SPAG16: variants seen among roughly 807,000 people sequenced by gnomAD.
SPAG16 encodes sperm associated antigen 16, also known as sperm-associated antigen 16 protein.
SPAG16 carries 86 observed loss-of-function variants against 80.4 expected under a neutral mutation model. That is an observed-to-expected ratio of 1.07 (90% CI 0.90 to 1.28). The LOEUF is 1.28. Among genes scored for constraint, SPAG16 ranks in the 50% most tolerant of loss-of-function variants. The pLI, the probability that SPAG16 is intolerant of heterozygous loss-of-function variation, is 0.00. For missense variants in SPAG16, 870 were observed against 765.3 expected (o/e 1.14, Z -1.61); for synonymous variants, 294 against 265.9 (o/e 1.11, Z -1.03).
At chr2:214,082,877 C>T (rs1486761761) in intron 13 of SPAG16, among the ~76,000 whole-genome samples, 1 of 152,136 alleles carries the variant, frequency 6.6e-6, no homozygotes, top group African/African-American at 2.4e-5. Context: ...TTTCTCCCAC[C>T]CCATCACTCA....
intron 9 of SPAG16, among the ~76,000 whole-genome samples, chr2:213,417,598 C>A (rs1316972861): frequency 6.6e-6 from 1 of 152,144 alleles, no homozygotes; most frequent in Non-Finnish European, 1.5e-5. Flanking sequence ...TTAACAGTTT[C>A]TCTTTGTAAC....
At chr2:214,217,463 T>C (rs2058461164) in intron 15 of SPAG16, among the ~76,000 whole-genome samples, 1 of 152,222 alleles carries the variant, frequency 6.6e-6, no homozygotes, top group East Asian at 1.9e-4. Context: ...ATGCTTTAAA[T>C]ATCATTCTGC....
At chr2:213,930,779 T>C (rs2078713884) in intron 12 of SPAG16, among the ~76,000 whole-genome samples, 1 of 152,196 alleles carries the variant, frequency 6.6e-6, no homozygotes, top group African/African-American at 2.4e-5. Flanking sequence ...TTACCTTCTG[T>C]TAGGTTTGCA....
intron 10 of SPAG16, among the ~76,000 whole-genome samples, chr2:213,814,222 G>T (rs952139570): frequency 6.6e-6 from 1 of 152,172 alleles, no homozygotes; most frequent in African/African-American, 2.4e-5. Context: ...TTCTAATTCT[G>T]CAGTGTTGAG....
intron 5 of SPAG16, among the ~76,000 whole-genome samples, chr2:213,336,035 G>A (rs984131820): frequency 1.3e-4 from 20 of 152,064 alleles, no homozygotes; most frequent in East Asian, 5.8e-4. Flanking sequence ...GGTGGTTGGC[G>A]CAACCCAGGG....
At chr2:213,290,948 A>G (rs896205228) in intron 1 of SPAG16, among the ~76,000 whole-genome samples, 4 of 152,258 alleles carry the variant, frequency 2.6e-5, no homozygotes, top group African/African-American at 7.2e-5. Context: ...TCTACACTGC[A>G]CTATTCTTTT....
intron 10 of SPAG16, among the ~76,000 whole-genome samples, chr2:213,659,549 T>A (rs1441986578): frequency 1.3e-5 from 2 of 152,114 alleles, no homozygotes; most frequent in Non-Finnish European, 2.9e-5. Flanking sequence ...AGATTTCCTG[T>A]GGATGATACA....
chr2:213,916,485 A>T (rs10174075), intron 11 of SPAG16, among the ~76,000 whole-genome samples: 4 of 152,026 alleles, frequency 2.6e-5, no homozygotes, highest in Non-Finnish European at 5.9e-5. Context: ...ATCTGTTTTG[A>T]TAACAGTACC....
chr2:213,412,079 C>CTCCA (rs1253109628), intron 9 of SPAG16, among the ~76,000 whole-genome samples: 1 of 152,232 alleles, frequency 6.6e-6, no homozygotes. Context: ...TGATTACCTA[C>CTCCA]TCCACCCTGA....
chr2:214,172,212 A>G (rs879400516), intron 15 of SPAG16, among the ~76,000 whole-genome samples: 3 of 151,950 alleles, frequency 2.0e-5, no homozygotes, highest in Non-Finnish European at 2.9e-5. Flanking sequence ...GTCATTTAGC[A>G]TTAGGTATAT....
At chr2:213,294,294 G>A (rs2062414102) in intron 1 of SPAG16, among the ~76,000 whole-genome samples, 1 of 152,192 alleles carries the variant, frequency 6.6e-6, no homozygotes. Context: ...TTAGGGAGAT[G>A]TTGGAAATAC....
At chr2:214,018,331 A>G (rs2047692356) in intron 13 of SPAG16, among the ~76,000 whole-genome samples, 1 of 152,192 alleles carries the variant, frequency 6.6e-6, no homozygotes, top group Admixed American at 6.5e-5. Flanking sequence ...CATTGTTTTT[A>G]AAAGACAAAG....
chr2:213,448,033 C>T (rs1428409973), intron 9 of SPAG16, among the ~76,000 whole-genome samples: 2 of 152,208 alleles, frequency 1.3e-5, no homozygotes, highest in African/African-American at 4.8e-5. Flanking sequence ...TGGCATTACA[C>T]CAATCTGTTC....
In SPAG16 at chr2:213,319,685, A is replaced by G. The variant is rs138446266; in HGVS notation, c.536+2329A>G. The stretch of plus-strand genomic sequence containing the variant: ...CTTTGAATTATTGCTTGAGTTTGCT[A>G]ATTTTCTTTTAAATAGATCAAAGCA... On this transcript the variant is annotated intron_variant, in intron 5 of 15. Coordinates refer to ENST00000331683, the MANE Select transcript of SPAG16 (RefSeq NM_024532.5). 5.4e-3 allele frequency among the ~76,000 whole-genome samples: 818 copies of G among 152,010 alleles called. 10 individuals are homozygous for G. Among genetic ancestry groups the G allele is most frequent in the Non-Finnish European group, 7.4e-3 (499 of 67,838 alleles).
At chr2:213,817,682 A>G (rs924595072) in intron 10 of SPAG16, among the ~76,000 whole-genome samples, 8 of 152,108 alleles carry the variant, frequency 5.3e-5, no homozygotes, top group African/African-American at 1.9e-4. Flanking sequence ...GTCCTTTGCA[A>G]CTGGAGGCCA....
At chr2:214,063,371 G>C (rs2050376645) in intron 13 of SPAG16, among the ~76,000 whole-genome samples, 1 of 152,122 alleles carries the variant, frequency 6.6e-6, no homozygotes, top group Admixed American at 6.6e-5. Context: ...GGTTCTGGAG[G>C]CTGGAAAGTC....
intron 10 of SPAG16, among the ~76,000 whole-genome samples, chr2:213,776,832 C>A (rs1362521707): frequency 8.2e-6 from 1 of 121,484 alleles, no homozygotes; most frequent in African/African-American, 3.1e-5. Context: ...TGCCACCCCC[C>A]CCCCACCCCA....
chr2:214,085,194 C>T (rs1424565453), intron 13 of SPAG16, among the ~76,000 whole-genome samples: 4 of 151,908 alleles, frequency 2.6e-5, no homozygotes, highest in Admixed American at 1.3e-4. Context: ...GAAAGTAGGA[C>T]GAACAAGAGT....
chr2:214,111,105 C>A (rs2053640157), intron 14 of SPAG16, among the ~76,000 whole-genome samples: 1 of 152,072 alleles, frequency 6.6e-6, no homozygotes, highest in Admixed American at 6.6e-5. Flanking sequence ...ATGGTAGTTT[C>A]TTTTGCTGTG....
Sources: allele counts gnomAD v4.1 joint callset (sites outside exome capture counted in the v4.1 genomes callset), GRCh38; gene constraint gnomAD v4.1.1; transcripts MANE v1.5; gene names NCBI Gene and HGNC (gene_info 2026-07-23, HGNC 2026-07-21).